EYS: variants seen among roughly 807,000 people sequenced by gnomAD.
The protein encoded by EYS is EGF-like photoreceptor maintenance factor, also known as protein eyes shut homolog.
A neutral mutation model predicts 282.1 loss-of-function variants in EYS; 250 were observed. The ratio of observed to expected loss-of-function variants is 0.89; its 90% confidence interval spans 0.80 to 0.98. The LOEUF is 0.98. Among genes scored for constraint, EYS ranks in the 50% least tolerant of loss-of-function variants. The pLI is 0.00. For missense variants in EYS, 4,016 were observed against 3,709.0 expected (o/e 1.08, Z -2.15); for synonymous variants, 1,355 against 1,282.9 (o/e 1.06, Z -1.20).
At chr6:64,171,111 C>T (rs9344821) in intron 31 of EYS, among the ~76,000 whole-genome samples, 47,839 of 152,022 alleles carry the variant, frequency 0.31, 7,614 homozygotes, top group East Asian at 0.49. Context: ...CTTTATGATA[C>T]AAAGCACATT....
At chr6:65,364,569 T>A (rs1764841258) in intron 8 of EYS, among the ~76,000 whole-genome samples, 1 of 151,622 alleles carries the variant, frequency 6.6e-6, no homozygotes, top group South Asian at 2.1e-4. Flanking sequence ...GATATCCTTC[T>A]CTTTAGGTTT....
chr6:64,207,439 CTAAG>C (rs1310310587), intron 31 of EYS, among the ~76,000 whole-genome samples: 4 of 151,994 alleles, frequency 2.6e-5, no homozygotes, highest in Admixed American at 2.0e-4. Flanking sequence ...AGAAAACAGA[CTAAG>C]AGAGTAGTAC....
intron 35 of EYS, among the ~76,000 whole-genome samples, chr6:63,897,229 A>C (rs1773557369): frequency 6.6e-6 from 1 of 152,182 alleles, no homozygotes; most frequent in Non-Finnish European, 1.5e-5. Flanking sequence ...TTTATCCAAA[A>C]CATGTATTGA....
At chr6:64,307,416 A>G (rs1769495359) in intron 29 of EYS, among the ~76,000 whole-genome samples, 1 of 152,144 alleles carries the variant, frequency 6.6e-6, no homozygotes, top group Admixed American at 6.5e-5. Flanking sequence ...TGAAACTGAA[A>G]GATATTATGC....
chr6:65,286,185 T>C (rs1304600113), intron 12 of EYS, among the ~76,000 whole-genome samples: 1 of 151,938 alleles, frequency 6.6e-6, no homozygotes, highest in Non-Finnish European at 1.5e-5. Context: ...TCTCATTTAG[T>C]TATTTCTCAG....
chr6:65,685,329 G>T (rs1031055546), intron 1 of EYS, among the ~76,000 whole-genome samples: 1 of 151,942 alleles, frequency 6.6e-6, no homozygotes, highest in African/African-American at 2.4e-5. Flanking sequence ...CTTAAACCTA[G>T]AATCAAGAAT....
intron 35 of EYS, among the ~76,000 whole-genome samples, chr6:63,880,463 A>ATCTG (rs146473920): frequency 8.1e-4 from 118 of 144,876 alleles, no homozygotes; most frequent in African/African-American, 2.8e-3. Context: ...ATCTCTGTCT[A>ATCTG]TCTGTCTGTC....
intron 11 of EYS, chr6:65,331,678 G>A: frequency 1.0e-6 from 1 of 979,138 alleles, no homozygotes; most frequent in Non-Finnish European, 1.2e-6. Flanking sequence ...ACAAAACGAA[G>A]GATAATTTTC....
chr6:64,392,276 C>T lies in EYS; in HGVS notation c.5928-3436G>A, dbSNP rs1017480734. On this transcript the variant is annotated intron_variant, in intron 28 of 42. Coordinates refer to ENST00000503581, the MANE Select transcript of EYS (RefSeq NM_001142800.2). The stretch of plus-strand genomic sequence containing the variant: ...GAACTCAGCTCTGCACCAAGCAGAC[C>T]TAATAGACATCTACAGAACTCTCCA... Among the ~76,000 whole-genome samples the T allele has an allele frequency of 1.1e-4, 17 of 148,432 alleles. No homozygotes were observed. The South Asian group carries it at 3.2e-3, about 28-fold the overall frequency.
chr6:64,104,458 G>C (rs1205673201), intron 31 of EYS, among the ~76,000 whole-genome samples: 1 of 152,118 alleles, frequency 6.6e-6, no homozygotes, highest in African/African-American at 2.4e-5. Flanking sequence ...AGTGAATACA[G>C]AGAAGGAAAT....
chr6:65,651,650 G>A (rs947324290), intron 1 of EYS, among the ~76,000 whole-genome samples: 10 of 151,928 alleles, frequency 6.6e-5, no homozygotes, highest in Non-Finnish European at 1.5e-4. Context: ...GAGGATGCAG[G>A]CTAGAATCTT....
At chr6:63,945,874 A>C (rs1209230081) in intron 35 of EYS, among the ~76,000 whole-genome samples, 1 of 152,206 alleles carries the variant, frequency 6.6e-6, no homozygotes, top group East Asian at 1.9e-4. Flanking sequence ...TCACACTATC[A>C]TATCAGATCA....
At chr6:64,878,647 G>C (rs1202502979) in intron 19 of EYS, among the ~76,000 whole-genome samples, 2 of 151,500 alleles carry the variant, frequency 1.3e-5, no homozygotes, top group Non-Finnish European at 2.9e-5. Context: ...TTTTCTCTGT[G>C]TGTGTTTGCG....
In EYS at chr6:63,851,888, T is replaced by A. The variant is rs375910788; in HGVS notation, c.7228+12298A>T. On this transcript the variant is annotated intron_variant, in intron 36 of 42. Coordinates refer to ENST00000503581, the MANE Select transcript of EYS (RefSeq NM_001142800.2). ...AAATCAATGAATTGGCCGGGCGCAG[T>A]GGCTCATGCCTGTAATCCCAGCACT... 7.9e-5 allele frequency among the ~76,000 whole-genome samples: 12 copies of A among 152,258 alleles called. No homozygotes were observed. The East Asian group carries it at 2.1e-3, about 27-fold the overall frequency.
At chr6:65,441,104 A>G (rs925956363) in intron 5 of EYS, among the ~76,000 whole-genome samples, 1 of 150,896 alleles carries the variant, frequency 6.6e-6, no homozygotes, top group African/African-American at 2.4e-5. Flanking sequence ...ATGTTTTGTG[A>G]ATCATGGAGC....
At chr6:64,033,551 A>G (rs1769965017) in intron 33 of EYS, among the ~76,000 whole-genome samples, 1 of 152,174 alleles carries the variant, frequency 6.6e-6, no homozygotes, top group Non-Finnish European at 1.5e-5. Context: ...ATAGGTCAGA[A>G]GTCCTGCTGC....
intron 12 of EYS, among the ~76,000 whole-genome samples, chr6:65,212,897 T>C (rs1162821400): frequency 6.6e-6 from 1 of 152,096 alleles, no homozygotes; most frequent in African/African-American, 2.4e-5. Context: ...TATGTAAAAA[T>C]ATATTAATAA....
At chr6:64,353,724 G>A (rs1253852339) in intron 29 of EYS, among the ~76,000 whole-genome samples, 1 of 151,630 alleles carries the variant, frequency 6.6e-6, no homozygotes, top group African/African-American at 2.4e-5. Context: ...CTGATGGAAA[G>A]AAGTTAATAA....
intron 22 of EYS, among the ~76,000 whole-genome samples, chr6:64,656,797 A>C (rs1184558796): frequency 6.6e-6 from 1 of 152,176 alleles, no homozygotes; most frequent in Non-Finnish European, 1.5e-5. Context: ...CTTTGCATGA[A>C]AGTAGTTTCT....
Sources: gnomAD v4.1 joint callset for allele counts (sites outside exome capture counted in the v4.1 genomes callset) on GRCh38, gnomAD v4.1.1 for gene constraint, MANE v1.5 for transcripts, NCBI Gene and HGNC (gene_info 2026-07-23, HGNC 2026-07-21) for gene names.